Variants in DGKE observed in about 807,000 individuals in gnomAD.
The protein encoded by DGKE is diacylglycerol kinase epsilon.
DGKE carries 53 observed loss-of-function variants against 70.0 expected under a neutral mutation model. The ratio of observed to expected loss-of-function variants is 0.76; its 90% CI spans 0.61 to 0.95. The LOEUF is 0.95. DGKE is among the 40% of genes least tolerant of loss of function. The pLI is 0.00. For missense variants in DGKE, 655 were observed against 706.9 expected (o/e 0.93, Z 0.83); for synonymous variants, 291 against 257.0 (o/e 1.13, Z -1.27).
chr17:56,853,727 A>G (rs1164287264), intron 7 of DGKE, among the ~76,000 whole-genome samples: 1 of 152,236 alleles, frequency 6.6e-6, no homozygotes, highest in Non-Finnish European at 1.5e-5. Context: ...GCAAATTAGT[A>G]CAACCATTTT....
intron 2 of DGKE, among the ~76,000 whole-genome samples, chr17:56,837,373 T>C (rs1418678031): frequency 1.3e-5 from 2 of 152,232 alleles, no homozygotes; most frequent in Admixed American, 6.5e-5. Context: ...CACCTCCGTC[T>C]CTTAATTTTG....
chr17:56,836,683 C>T (rs114262278), intron 2 of DGKE, among the ~76,000 whole-genome samples: 441 of 152,314 alleles, frequency 2.9e-3, no homozygotes, highest in African/African-American at 0.01. Flanking sequence ...TGCTCCCCAT[C>T]GGGTAAGCTG....
chr17:56,855,220 G>T lies in DGKE; in HGVS notation c.1099-1292G>T, dbSNP rs1224847608. 2.0e-5 allele frequency among the ~76,000 whole-genome samples: 3 copies of T among 151,448 alleles called. No individual in the cohort carries two copies. In the East Asian group the frequency reaches 5.8e-4, roughly 29 times the overall value. ...TTTTTTTTAAAGAACAACTAGGATT[G>T]AAAATTATATTTTGGCAGTGAAGGG... On this transcript the variant is annotated intron_variant, in intron 7 of 11. Transcript: ENST00000284061.
chr17:56,845,116 G>A (rs1358814014), intron 3 of DGKE, among the ~76,000 whole-genome samples: 1 of 152,024 alleles, frequency 6.6e-6, no homozygotes, highest in Non-Finnish European at 1.5e-5. Context: ...TTCATTAATG[G>A]TTACATCTAC....
At chr17:56,862,025 A>G in intron 10 of DGKE, 107 bp downstream of exon 10, 4 of 1,517,010 alleles carry the variant, frequency 2.6e-6, no homozygotes, top group Non-Finnish European at 3.6e-6. Flanking sequence ...TGTGTATCTC[A>G]TTAGTTATAA....
At chr17:56,855,838 T>C (rs1402713680) in intron 7 of DGKE, among the ~76,000 whole-genome samples, 1 of 151,946 alleles carries the variant, frequency 6.6e-6, no homozygotes, top group Non-Finnish European at 1.5e-5. Flanking sequence ...ACCCCATCTC[T>C]ACTAAAAATA....
chr17:56,859,909 A>T (rs1243183244), intron 9 of DGKE, among the ~76,000 whole-genome samples: 5 of 152,194 alleles, frequency 3.3e-5, no homozygotes, highest in African/African-American at 4.8e-5. Context: ...GTCAAGGAAA[A>T]ATGTTGCCGT....
chr17:56,846,035 T>G, intron 4 of DGKE: 1 of 318,068 alleles, frequency 3.1e-6, no homozygotes, highest in Non-Finnish European at 5.5e-6. Flanking sequence ...AAATATAAAT[T>G]TATTATATCT....
In DGKE at chr17:56,848,767, G is replaced by A; in HGVS notation, c.960G>A (p.Leu320=). ...CAGGCAACGATCTATCCAATACATT[G>A]GGTTGGGGTACAGGTTATGCTGGAG... is the stretch of plus-strand genomic sequence containing the variant. ...LGTGNDLSNT[L]GWGTGYAGEI... Residue 320 remains leucine, a synonymous_variant, in exon 6 of 12, where the codon TTG becomes TTA. Coordinates refer to ENST00000284061, the MANE Select transcript of DGKE (RefSeq NM_003647.3). The A allele has an allele frequency of 6.2e-7, 1 of 1,614,180 alleles. No individual in the cohort carries two copies.
chr17:56,861,637 G>T (rs1458965381), intron 9 of DGKE, among the ~76,000 whole-genome samples, 154 bp from the exon 10 acceptor site: 1 of 152,172 alleles, frequency 6.6e-6, no homozygotes, highest in African/African-American at 2.4e-5. Flanking sequence ...ATAGAAAAGG[G>T]CAGATGAGAG....
At chr17:56,837,793 C>T (rs1906719713) in intron 2 of DGKE, among the ~76,000 whole-genome samples, 1 of 152,200 alleles carries the variant, frequency 6.6e-6, no homozygotes, top group Non-Finnish European at 1.5e-5. Flanking sequence ...AGTTACATTT[C>T]AAAGGACACT....
At chr17:56,850,388 C>A (rs1907575563) in intron 7 of DGKE, among the ~76,000 whole-genome samples, 1 of 152,176 alleles carries the variant, frequency 6.6e-6, no homozygotes, top group South Asian at 2.1e-4. Context: ...CCACCTCAGC[C>A]TTCCAAAGTG....
chr17:56,858,541 T>G, intron 8 of DGKE, 53 bp from the exon 9 acceptor site: 1 of 1,443,982 alleles, frequency 6.9e-7, no homozygotes, highest in Non-Finnish European at 9.5e-7. Context: ...TTTTTCTTAT[T>G]GTTTACAGGG....
At position 56,867,068 on chromosome 17, in the gene DGKE, CTA is replaced by C. The variant is rs1223986633; in HGVS notation, c.*4279_*4280del. ...TGTGTTTCTAATTTAAGCATATAGTCTATTTAATTTTTGATATGTAAATACAC... is the reference window on the plus strand; with the variant it reads ...TGTGTTTCTAATTTAAGCATATAGTCTTTAATTTTTGATATGTAAATACAC... On this transcript the variant is annotated 3_prime_UTR_variant, in exon 12 of 12. Transcript: ENST00000284061. 6.6e-6 allele frequency: 1 copy of C among 152,144 alleles called. No individual in the cohort carries two copies. Among genetic ancestry groups the C allele is most frequent in the Non-Finnish European group, 1.5e-5 (1 of 68,038 alleles). 9.4% of individuals were successfully genotyped at this position (152,144 alleles called of 1,614,324 possible).
chr17:56,856,975 G>T (rs1450651278), intron 8 of DGKE, among the ~76,000 whole-genome samples: 1 of 152,020 alleles, frequency 6.6e-6, no homozygotes, highest in Non-Finnish European at 1.5e-5. Context: ...GCAGGTGTCT[G>T]TAATCCCAGC....
chr17:56,843,326 C>G (rs959586387), intron 2 of DGKE, among the ~76,000 whole-genome samples: 2 of 152,170 alleles, frequency 1.3e-5, no homozygotes, highest in Non-Finnish European at 2.9e-5. Context: ...ATTTCTTTCA[C>G]TTATTATTCA....
chr17:56,834,811 C>A lies in DGKE; in HGVS notation c.16C>A (p.Arg6=). 6.2e-7 allele frequency: 1 copy of A among 1,602,330 alleles called. No individual in the cohort carries two copies. The highest frequency in any genetic ancestry group is 8.5e-7 in the Non-Finnish European group (1 of 1,175,138). The change falls in exon 2 of 12, where the codon CGG becomes AGG. Residue 6 remains arginine (R), a synonymous_variant. Coordinates refer to ENST00000284061, the MANE Select transcript of DGKE (RefSeq NM_003647.3). MEAER[R]PAPGSPSEGL... ...CTTGGAGAAGATGGAAGCGGAGAGG[C>A]GGCCGGCGCCGGGCTCGCCCTCCGA... is the stretch of plus-strand genomic sequence containing the variant.
intron 7 of DGKE, among the ~76,000 whole-genome samples, chr17:56,851,012 A>G (rs1010786952): frequency 2.6e-5 from 4 of 152,240 alleles, no homozygotes; most frequent in Admixed American, 2.0e-4. Context: ...AAAAGAGATG[A>G]GAGAGTGCAA....
intron 1 of DGKE, among the ~76,000 whole-genome samples, chr17:56,834,463 C>T (rs1906424287): frequency 6.6e-6 from 1 of 152,234 alleles, no homozygotes; most frequent in South Asian, 2.1e-4. Context: ...GGGCAGCTTG[C>T]CCCTGTATGT....
Sources: gnomAD v4.1 joint callset for allele counts (sites outside exome capture counted in the v4.1 genomes callset) on GRCh38, gnomAD v4.1.1 for gene constraint, MANE v1.5 for transcripts, NCBI Gene and HGNC (gene_info 2026-07-23, HGNC 2026-07-21) for gene names.